The following GBE1 variants were observed in gnomAD, a reference collection of about 807,000 sequenced individuals.
GBE1 encodes the protein 1,4-alpha-glucan-branching enzyme.
Under a neutral mutation model 88.8 loss-of-function variants are expected in GBE1, and 70 were observed. That is an observed-to-expected ratio of 0.79 (90% confidence interval 0.65 to 0.96). GBE1 has a LOEUF of 0.96. GBE1 is among the 40% of genes least tolerant of loss of function. The probability of loss-of-function intolerance (pLI) is 0.00; values close to 1 mark genes in which losing one functional copy is unlikely to be tolerated. For synonymous variants in GBE1, 284 were observed against 300.1 expected (o/e 0.95, Z 0.56); for missense variants, 872 against 871.0 (o/e 1.00, Z -0.01).
intron 1 of GBE1, among the ~76,000 whole-genome samples, chr3:81,742,107 A>C (rs1202215901): frequency 6.6e-6 from 1 of 151,976 alleles, no homozygotes; most frequent in Non-Finnish European, 1.5e-5. Context: ...CATTATAGCC[A>C]ATTTCAGACC....
intron 9 of GBE1, among the ~76,000 whole-genome samples, chr3:81,588,038 G>A (rs1185121585): frequency 6.6e-6 from 1 of 151,404 alleles, no homozygotes; most frequent in Non-Finnish European, 1.5e-5. Context: ...CTTAGATTAT[G>A]ACCCTTACTT....
intron 2 of GBE1, 74 bp downstream of exon 2, chr3:81,705,370 T>C (rs1051409507): frequency 1.3e-4 from 139 of 1,096,898 alleles, no homozygotes; most frequent in Middle Eastern, 8.0e-4. Flanking sequence ...GTTAAATACA[T>C]GAAATATAAG....
At chr3:81,705,198 A>G (rs1705756980) in intron 2 of GBE1, among the ~76,000 whole-genome samples, 1 of 152,052 alleles carries the variant, frequency 6.6e-6, no homozygotes, top group South Asian at 2.1e-4. Context: ...TTTCTCATAA[A>G]CCTTGTTATT....
intron 14 of GBE1, among the ~76,000 whole-genome samples, chr3:81,524,700 T>C (rs530924628): frequency 2.6e-5 from 4 of 151,932 alleles, no homozygotes; most frequent in African/African-American, 9.7e-5. Context: ...GGCACCTTTG[T>C]TGAAAATGAG....
chr3:81,545,087 G>C (rs1322889314), intron 12 of GBE1, among the ~76,000 whole-genome samples: 1 of 151,984 alleles, frequency 6.6e-6, no homozygotes, highest in Non-Finnish European at 1.5e-5. Context: ...CTGTACTAAA[G>C]ACTAACTTTT....
chr3:81,499,442 G>A (rs1576121243), intron 14 of GBE1, among the ~76,000 whole-genome samples: 1 of 151,998 alleles, frequency 6.6e-6, no homozygotes, highest in Non-Finnish European at 1.5e-5. Flanking sequence ...CTTCCATCAC[G>A]ACTCACAAGT....
chr3:81,538,995 A>C (rs185736754), intron 12 of GBE1, among the ~76,000 whole-genome samples: 22 of 152,174 alleles, frequency 1.4e-4, no homozygotes, highest in Non-Finnish European at 2.8e-4. Context: ...GCAGCAGCAC[A>C]TGCTTAATTT....
intron 2 of GBE1, among the ~76,000 whole-genome samples, chr3:81,688,560 T>G (rs1024539351): frequency 1.3e-5 from 2 of 152,186 alleles, no homozygotes; most frequent in African/African-American, 4.8e-5. Context: ...ATAAATAGTA[T>G]TCTTTTAATA....
chr3:81,492,747 T>C (rs1702454471), intron 15 of GBE1, among the ~76,000 whole-genome samples: 1 of 120,170 alleles, frequency 8.3e-6, no homozygotes, highest in Non-Finnish European at 1.9e-5. Context: ...TCTTTCTTTC[T>C]TTTTTTTTTT....
At chr3:81,646,602 C>A (rs969404441) in intron 5 of GBE1, 120 bp from the exon 6 acceptor site, 1 of 621,538 alleles carries the variant, frequency 1.6e-6, no homozygotes, top group Non-Finnish European at 2.8e-6. Context: ...AAGCTTTGGT[C>A]GTCTTGAAAA....
chr3:81,741,754 TACTC>T (rs894706761), intron 1 of GBE1, among the ~76,000 whole-genome samples: 4 of 149,496 alleles, frequency 2.7e-5, no homozygotes, highest in Non-Finnish European at 5.9e-5. Flanking sequence ...AAAAGTATAA[TACTC>T]TATATAATAT....
chr3:81,739,756 T>G (rs772224415), intron 1 of GBE1, among the ~76,000 whole-genome samples: 4 of 152,186 alleles, frequency 2.6e-5, no homozygotes, highest in Non-Finnish European at 4.4e-5. Context: ...TAAGCCAATT[T>G]TACCTTGGCT....
chr3:81,636,605 A>C (rs544176709), intron 7 of GBE1, among the ~76,000 whole-genome samples: 1 of 150,656 alleles, frequency 6.6e-6, no homozygotes, highest in South Asian at 2.1e-4. Context: ...ATCTCGGCTC[A>C]CTGCAACCTC....
intron 14 of GBE1, among the ~76,000 whole-genome samples, chr3:81,514,203 A>G (rs1576127686): frequency 6.7e-6 from 1 of 150,180 alleles, no homozygotes; most frequent in African/African-American, 2.4e-5. Flanking sequence ...CTCTCTCTCT[A>G]AATAATAAAG....
chr3:81,745,549 G>A (rs111656170), intron 1 of GBE1, among the ~76,000 whole-genome samples: 1 of 151,828 alleles, frequency 6.6e-6, no homozygotes, highest in Admixed American at 6.6e-5. Context: ...TTATTGTAAT[G>A]ATGGTGATGA....
intron 12 of GBE1, among the ~76,000 whole-genome samples, chr3:81,545,402 T>C (rs1008801871): frequency 1.1e-3 from 160 of 152,244 alleles, no homozygotes; most frequent in African/African-American, 3.6e-3. Flanking sequence ...TCCTCTATAA[T>C]TATTAAATGT....
In GBE1 at chr3:81,646,414, T is replaced by C. The variant is rs770427750; in HGVS notation, c.760A>G (p.Thr254Ala). The C allele has an allele frequency of 5.5e-5, 89 of 1,604,398 alleles. No homozygotes were observed. Among genetic ancestry groups the C allele is most frequent in the Non-Finnish European group, 7.4e-5 (87 of 1,175,514 alleles). Residue 254 changes from threonine to alanine, a missense_variant, in exon 6 of 16, where the codon ACA becomes GCA. Transcript: ENST00000429644. ...AYYASFGYQI[T>A]SFFAASSRYG... ...TACCTGGAAGCTGCAAAGAAGCTTG[T>C]GATTTGGTAACCAAAGCTGGCATAG...
chr3:81,735,183 G>C (rs1293956020), intron 1 of GBE1, among the ~76,000 whole-genome samples: 1 of 152,108 alleles, frequency 6.6e-6, no homozygotes, highest in Non-Finnish European at 1.5e-5. Context: ...ATTTTGGAAA[G>C]CAAAGCAACT....
intron 14 of GBE1, among the ~76,000 whole-genome samples, chr3:81,500,148 C>T (rs937798470): frequency 3.9e-5 from 6 of 152,164 alleles, no homozygotes; most frequent in African/African-American, 1.4e-4. Flanking sequence ...TGAAGATGGA[C>T]ACGCTACAGA....
Sources: gnomAD v4.1 joint callset for allele counts (sites outside exome capture counted in the v4.1 genomes callset) on GRCh38, gnomAD v4.1.1 for gene constraint, MANE v1.5 for transcripts, NCBI Gene and HGNC (gene_info 2026-07-23, HGNC 2026-07-21) for gene names.